GABRG3: variants seen among roughly 807,000 people sequenced by gnomAD.
GABRG3 encodes gamma-aminobutyric acid type A receptor subunit gamma3, also known as gamma-aminobutyric acid receptor subunit gamma-3.
Under a neutral mutation model 48.8 loss-of-function variants are expected in GABRG3, and 25 were observed. The observed-to-expected ratio is 0.51, with a 90% CI of 0.37 to 0.72. The LOEUF is 0.72. Among genes scored for constraint, GABRG3 ranks in the 30% least tolerant of loss-of-function variants. The pLI is 0.00. For synonymous variants in GABRG3, 227 were observed against 217.6 expected (o/e 1.04, Z -0.38); for missense variants, 394 against 577.9 (o/e 0.68, Z 3.26).
intron 5 of GABRG3, among the ~76,000 whole-genome samples, chr15:27,342,190 T>A (rs1211278232): frequency 6.6e-6 from 1 of 152,216 alleles, no homozygotes; most frequent in Non-Finnish European, 1.5e-5. Context: ...GGATCCCTCT[T>A]CTGTGCATGT....
At position 27,004,308 on chromosome 15, in the gene GABRG3, C is replaced by T. The variant is rs1277597557; in HGVS notation, c.203-22446C>T. Among the ~76,000 whole-genome samples, 12 of 151,252 alleles carry T rather than the reference C, an allele frequency of 7.9e-5. No individual in the cohort carries two copies. In the South Asian group the frequency reaches 1.0e-3, roughly 13 times the overall value. On this transcript the variant is annotated intron_variant, in intron 2 of 9. Coordinates refer to ENST00000615808, the MANE Select transcript of GABRG3 (RefSeq NM_033223.5). ...GCAGAGACGCTCCTCACATCCCAGA[C>T]GGGGTGGCGGGGCAGAGGCGGTCCC...
At chr15:27,149,728 G>A (rs1442992360) in intron 3 of GABRG3, among the ~76,000 whole-genome samples, 1 of 152,140 alleles carries the variant, frequency 6.6e-6, no homozygotes, top group Non-Finnish European at 1.5e-5. Context: ...TAGAACCTCC[G>A]GAAGGAGCAC....
At chr15:27,159,834 T>C (rs1898533276) in intron 3 of GABRG3, among the ~76,000 whole-genome samples, 1 of 152,156 alleles carries the variant, frequency 6.6e-6, no homozygotes, top group Admixed American at 6.5e-5. Context: ...TCGCATAGAT[T>C]ATGTTTGTCC....
chr15:27,004,136 C>G (rs947270120), intron 2 of GABRG3, among the ~76,000 whole-genome samples: 2 of 150,554 alleles, frequency 1.3e-5, no homozygotes, highest in African/African-American at 2.4e-5. Flanking sequence ...CTGACCCCCC[C>G]ACCTCCCTCC....
chr15:27,384,653 A>G (rs567743682), intron 5 of GABRG3, among the ~76,000 whole-genome samples: 157 of 152,302 alleles, frequency 1.0e-3, no homozygotes, highest in African/African-American at 3.7e-3. Flanking sequence ...GCCTTAGATC[A>G]TCAGCACAAG....
intron 7 of GABRG3, 117 bp from the exon 8 acceptor site, chr15:27,527,316 G>A: frequency 2.6e-6 from 2 of 755,696 alleles, no homozygotes; most frequent in Non-Finnish European, 4.4e-6. Flanking sequence ...CATGAGGTAT[G>A]CAGCATCAGG....
Position 27,433,662 on chromosome 15 carries a change from G to A in GABRG3, c.575-46988G>A, listed in dbSNP as rs183659261. Reference sequence around the variant, plus strand: ...ACAGATGCCATGTAGCCCTCCATGAGTTTAGGGCTAGTATTGTATGTGTGT... The same window carrying A: ...ACAGATGCCATGTAGCCCTCCATGAATTTAGGGCTAGTATTGTATGTGTGT... On this transcript the variant is annotated intron_variant, in intron 5 of 9. Transcript: ENST00000615808. Among the ~76,000 whole-genome samples, 6 of 152,044 alleles carry A rather than the reference G, an allele frequency of 3.9e-5. No individual in the cohort carries two copies. The South Asian group carries it at 6.5e-4, about 16-fold the overall frequency.
intron 3 of GABRG3, among the ~76,000 whole-genome samples, chr15:27,108,188 A>G (rs772162180): frequency 2.0e-5 from 3 of 152,094 alleles, no homozygotes; most frequent in Non-Finnish European, 2.9e-5. Context: ...CATTTGTTTA[A>G]TGCTACCAGT....
chr15:27,257,280 T>A (rs2140464032), intron 3 of GABRG3, among the ~76,000 whole-genome samples: 1 of 152,286 alleles, frequency 6.6e-6, no homozygotes, highest in African/African-American at 2.4e-5. Context: ...ATTGGGTTCC[T>A]TGTATGTTTA....
chr15:27,001,896 T>TA (rs1195179844), intron 2 of GABRG3, among the ~76,000 whole-genome samples: 1 of 150,542 alleles, frequency 6.6e-6, no homozygotes, highest in African/African-American at 2.5e-5. Context: ...CAGTTTTTTT[T>TA]TTTTTTTAAG....
chr15:27,130,128 A>G (rs909416047), intron 3 of GABRG3, among the ~76,000 whole-genome samples: 4 of 152,242 alleles, frequency 2.6e-5, no homozygotes. Context: ...AATAATTGCC[A>G]AATTTAATGA....
intron 5 of GABRG3, among the ~76,000 whole-genome samples, chr15:27,410,989 G>A (rs1595736687): frequency 6.6e-6 from 1 of 152,068 alleles, no homozygotes; most frequent in Non-Finnish European, 1.5e-5. Flanking sequence ...TCAGCGATGA[G>A]ACATTAGGAC....
At chr15:27,182,789 A>G (rs1477394413) in intron 3 of GABRG3, among the ~76,000 whole-genome samples, 1 of 152,166 alleles carries the variant, frequency 6.6e-6, no homozygotes, top group Non-Finnish European at 1.5e-5. Flanking sequence ...GCTCGGGGCC[A>G]GGCTGTGTGG....
chr15:27,036,303 G>A (rs1015850730), intron 3 of GABRG3, among the ~76,000 whole-genome samples: 5 of 152,174 alleles, frequency 3.3e-5, no homozygotes, highest in African/African-American at 1.2e-4. Flanking sequence ...TCACAGGGGA[G>A]CCCTGCAGAC....
chr15:27,099,478 T>C (rs1287729144), intron 3 of GABRG3, among the ~76,000 whole-genome samples: 1 of 152,162 alleles, frequency 6.6e-6, no homozygotes, highest in Non-Finnish European at 1.5e-5. Context: ...TTCTTATGAT[T>C]TTTCTTTTTG....
intron 2 of GABRG3, among the ~76,000 whole-genome samples, chr15:27,005,340 A>G (rs937864927): frequency 6.6e-6 from 1 of 152,116 alleles, no homozygotes; most frequent in Non-Finnish European, 1.5e-5. Context: ...AGCTGGGACT[A>G]CAGGAGCAGG....
At chr15:27,310,321 T>A (rs1892952230) in intron 3 of GABRG3, among the ~76,000 whole-genome samples, 1 of 152,062 alleles carries the variant, frequency 6.6e-6, no homozygotes, top group Non-Finnish European at 1.5e-5. Flanking sequence ...GCATGATACA[T>A]CAATGGAAAA....
At chr15:27,176,483 T>A (rs1327612318) in intron 3 of GABRG3, among the ~76,000 whole-genome samples, 3 of 152,210 alleles carry the variant, frequency 2.0e-5, no homozygotes, top group Non-Finnish European at 4.4e-5. Context: ...CAAGTGTTAA[T>A]GAATCATGAT....
At chr15:27,080,916 AGAAACCAGGCAAGCTAGCCT>A (rs2140744113) in intron 3 of GABRG3, among the ~76,000 whole-genome samples, 1 of 152,196 alleles carries the variant, frequency 6.6e-6, no homozygotes, top group Admixed American at 6.5e-5. Context: ...TAACCACCAT[AGAAACCAGGCAAGCTAGCCT>A]GCTGGTGGGG....
Sources: gnomAD v4.1 joint callset for allele counts (sites outside exome capture counted in the v4.1 genomes callset) on GRCh38, gnomAD v4.1.1 for gene constraint, MANE v1.5 for transcripts, NCBI Gene and HGNC (gene_info 2026-07-23, HGNC 2026-07-21) for gene names.